LRMDA: variants seen among roughly 807,000 people sequenced by gnomAD.
LRMDA encodes leucine-rich melanocyte differentiation-associated protein.
A neutral mutation model predicts 29.8 loss-of-function variants in LRMDA; 18 were observed. That is an observed-to-expected ratio of 0.60 (90% confidence interval 0.42 to 0.90). LRMDA has a LOEUF of 0.90. Ranked by LOEUF, LRMDA falls within the 40% of genes least tolerant of loss-of-function variation. LRMDA has a pLI of 0.00. For missense variants in LRMDA, 273 were observed against 273.9 expected (o/e 1.00, Z 0.02); for synonymous variants, 125 against 109.4 (o/e 1.14, Z -0.89).
chr10:76,273,534 G>C (rs7085462), intron 5 of LRMDA, among the ~76,000 whole-genome samples: 10,794 of 152,184 alleles, frequency 0.071, 984 homozygotes, highest in African/African-American at 0.21. Flanking sequence ...TTGTGTGTAA[G>C]TTTCCTAAAC....
At chr10:76,305,070 C>A (rs923922458) in intron 5 of LRMDA, among the ~76,000 whole-genome samples, 2 of 152,198 alleles carry the variant, frequency 1.3e-5, no homozygotes, top group African/African-American at 4.8e-5. Context: ...CTGTAACCAT[C>A]TGGGTTACAG....
At chr10:75,702,756 A>G (rs996405604) in intron 2 of LRMDA, among the ~76,000 whole-genome samples, 1 of 152,234 alleles carries the variant, frequency 6.6e-6, no homozygotes, top group Non-Finnish European at 1.5e-5. Flanking sequence ...CAACCTTCGC[A>G]TTTGGTTTGC....
At chr10:75,599,379 G>C (rs960522607) in intron 2 of LRMDA, among the ~76,000 whole-genome samples, 1 of 152,180 alleles carries the variant, frequency 6.6e-6, no homozygotes, top group Non-Finnish European at 1.5e-5. Context: ...TGGCAAGAAA[G>C]ACTAAGTGAG....
At chr10:76,441,532 C>T (rs991102658) in intron 6 of LRMDA, among the ~76,000 whole-genome samples, 40 of 152,262 alleles carry the variant, frequency 2.6e-4, no homozygotes, top group Middle Eastern at 3.4e-3. Context: ...ACAACAAATA[C>T]ACCTAGGCCA....
chr10:75,453,325 C>G (rs1200445248), intron 2 of LRMDA, among the ~76,000 whole-genome samples: 2 of 152,134 alleles, frequency 1.3e-5, no homozygotes, highest in African/African-American at 2.4e-5. Context: ...ACTGTCTTTT[C>G]TTTTGAATTT....
At chr10:76,541,483 G>C (rs1378426811) in intron 6 of LRMDA, among the ~76,000 whole-genome samples, 1 of 152,128 alleles carries the variant, frequency 6.6e-6, no homozygotes, top group Non-Finnish European at 1.5e-5. Flanking sequence ...AGGGCGACAG[G>C]ATGAGATTCC....
At chr10:76,463,917 A>C (rs1317164602) in intron 6 of LRMDA, among the ~76,000 whole-genome samples, 1 of 112,884 alleles carries the variant, frequency 8.9e-6, no homozygotes, top group Admixed American at 1.0e-4. Context: ...TGCAAAATAA[A>C]TTTTTTTTTT....
intron 6 of LRMDA, among the ~76,000 whole-genome samples, chr10:76,478,403 G>A (rs970596719): frequency 2.0e-5 from 3 of 152,140 alleles, no homozygotes; most frequent in African/African-American, 4.8e-5. Context: ...AACAACAGGT[G>A]CTGGAGAGGA....
At chr10:75,774,346 A>G (rs1159758947) in intron 2 of LRMDA, among the ~76,000 whole-genome samples, 1 of 152,038 alleles carries the variant, frequency 6.6e-6, no homozygotes, top group African/African-American at 2.4e-5. Flanking sequence ...ACTTGTTAGT[A>G]TTTCTTCTTT....
At chr10:76,308,002 T>G (rs1211146240) in intron 5 of LRMDA, among the ~76,000 whole-genome samples, 1 of 152,178 alleles carries the variant, frequency 6.6e-6, no homozygotes, top group East Asian at 1.9e-4. Flanking sequence ...ACCCTGGAAA[T>G]GTAGCAAGTG....
At chr10:76,545,934 C>T (rs1318739046) in intron 6 of LRMDA, among the ~76,000 whole-genome samples, 1 of 152,078 alleles carries the variant, frequency 6.6e-6, no homozygotes, top group Non-Finnish European at 1.5e-5. Flanking sequence ...TGGGAACTTG[C>T]AAAAATGCAT....
intron 2 of LRMDA, among the ~76,000 whole-genome samples, chr10:75,551,326 G>C (rs3001914): frequency 0.091 from 13,791 of 151,884 alleles, 835 homozygotes; most frequent in East Asian, 0.3. Context: ...TGGCTTACTT[G>C]ATATTTATTT....
rs1280100532 is a variant in LRMDA, at chr10:75,431,742, G to A, written c.18G>A (p.Val6=). 8.0e-6 allele frequency: 11 copies of A among 1,374,744 alleles called. No homozygotes were observed. The highest frequency in any genetic ancestry group is 8.5e-6 in the Non-Finnish European group (9 of 1,059,164). 85.2% of individuals were successfully genotyped at this position (1,374,744 alleles called of 1,614,324 possible). The change falls in exon 1 of 7, where the codon GTG becomes GTA. Residue 6 remains valine (V), a synonymous_variant. Transcript: ENST00000611255. ...TGGCCGCCATGGCCGGGCTCGTGGTGCGTGGAACTCAAGTAAGTCCCGGCC... is the reference window on the plus strand; with the variant it reads ...TGGCCGCCATGGCCGGGCTCGTGGTACGTGGAACTCAAGTAAGTCCCGGCC... MAGLV[V]RGTQVSYIGQ...
chr10:76,508,349 C>T (rs72819357), intron 6 of LRMDA, among the ~76,000 whole-genome samples: 7 of 152,118 alleles, frequency 4.6e-5, no homozygotes, highest in Non-Finnish European at 1.0e-4. Flanking sequence ...CAGTTATTAC[C>T]GTGGTGTTTG....
chr10:75,815,207 A>G (rs1468966974), intron 2 of LRMDA, among the ~76,000 whole-genome samples: 1 of 152,186 alleles, frequency 6.6e-6, no homozygotes, highest in Admixed American at 6.5e-5. Flanking sequence ...GCATATGGAG[A>G]AATTAAAGCC....
chr10:76,364,243 C>T (rs191331556), intron 6 of LRMDA, among the ~76,000 whole-genome samples: 7 of 152,144 alleles, frequency 4.6e-5, no homozygotes, highest in Admixed American at 1.3e-4. Context: ...GGAAAAATTT[C>T]GCTGAGTTGA....
intron 5 of LRMDA, among the ~76,000 whole-genome samples, chr10:76,210,946 G>T (rs867576855): frequency 4.6e-5 from 7 of 152,256 alleles, no homozygotes; most frequent in Middle Eastern, 6.8e-3. Flanking sequence ...GCTTAAAAAT[G>T]GTTTGGAAAC....
chr10:76,119,525 T>C (rs1208980163), intron 5 of LRMDA, among the ~76,000 whole-genome samples: 2 of 152,118 alleles, frequency 1.3e-5, no homozygotes, highest in Non-Finnish European at 2.9e-5. Context: ...GAAAACTGGG[T>C]TTTCTGCCCA....
At chr10:76,395,746 G>T (rs1841776339) in intron 6 of LRMDA, among the ~76,000 whole-genome samples, 1 of 152,068 alleles carries the variant, frequency 6.6e-6, no homozygotes, top group African/African-American at 2.4e-5. Flanking sequence ...CTAAATCTAG[G>T]GTAGTACCTG....
Sources: allele counts gnomAD v4.1 joint callset (sites outside exome capture counted in the v4.1 genomes callset), GRCh38; gene constraint gnomAD v4.1.1; transcripts MANE v1.5; gene names NCBI Gene and HGNC (gene_info 2026-07-23, HGNC 2026-07-21).